Variants in PEMT observed in about 807,000 individuals in gnomAD.
PEMT encodes phosphatidylethanolamine N-methyltransferase.
PEMT carries 23 observed loss-of-function variants against 27.4 expected under a neutral mutation model. The observed-to-expected ratio is 0.84, with a 90% confidence interval of 0.60 to 1.19. The LOEUF (loss-of-function observed/expected upper bound fraction) is 1.19, where lower values mean the gene tolerates loss of function less well. PEMT is among the 50% of genes most tolerant of loss of function. The pLI, the probability that PEMT is intolerant of heterozygous loss-of-function variation, is 0.00. For synonymous variants in PEMT, 137 were observed against 139.1 expected (o/e 0.98, Z 0.11); for missense variants, 307 against 310.1 (o/e 0.99, Z 0.07).
intron 2 of PEMT, among the ~76,000 whole-genome samples, chr17:17,560,976 T>A (rs1425606718): frequency 1.3e-5 from 2 of 151,476 alleles, no homozygotes; most frequent in Non-Finnish European, 2.9e-5. Context: ...CGTCTAGGAG[T>A]CAGCAATGTG....
At chr17:17,518,920 G>T (rs774406320) in intron 3 of PEMT, 6 of 152,266 alleles carry the variant, frequency 3.9e-5, no homozygotes, top group Non-Finnish European at 7.3e-5. Context: ...AGGAGGAAGG[G>T]CTGCACAACA....
At position 17,561,299 on chromosome 17, in the gene PEMT, A is replaced by G. The variant is rs1910455819; in HGVS notation, c.204+15621T>C. Among the ~76,000 whole-genome samples, 1 of 152,162 alleles carries G rather than the reference A, an allele frequency of 6.6e-6. No individual in the cohort carries two copies. Among genetic ancestry groups the G allele is most frequent in the Non-Finnish European group, 1.5e-5 (1 of 68,016 alleles). The stretch of plus-strand genomic sequence containing the variant: ...GAACCTACAGGTAACCCTCTTTCAC[A>G]GTTAAGAACGCCAAGGCACGAAGCT... On this transcript the variant is annotated intron_variant, in intron 2 of 6. Transcript: ENST00000255389. This position sits in a 1 kb window ranked among gnomAD's most constrained non-coding sequence, Gnocchi z 4.5.
At chr17:17,583,911 G>A (rs1161077638) in intron 1 of PEMT, among the ~76,000 whole-genome samples, 5 of 152,146 alleles carry the variant, frequency 3.3e-5, no homozygotes, top group African/African-American at 7.2e-5. Flanking sequence ...ACAGTAAAAC[G>A]AAATGGCAGG....
intron 2 of PEMT, among the ~76,000 whole-genome samples, chr17:17,574,764 A>G (rs1911466946): frequency 6.6e-6 from 1 of 152,188 alleles, no homozygotes; most frequent in Non-Finnish European, 1.5e-5. Context: ...CGTCCTCAGG[A>G]CCTGCTATGC....
chr17:17,572,507 A>C (rs1911277448), intron 2 of PEMT, among the ~76,000 whole-genome samples: 1 of 152,210 alleles, frequency 6.6e-6, no homozygotes, highest in Non-Finnish European at 1.5e-5. Context: ...TTTTCCTGAC[A>C]GAATGCTCTT....
intron 2 of PEMT, among the ~76,000 whole-genome samples, chr17:17,552,455 G>A (rs542787185): frequency 3.9e-5 from 6 of 152,336 alleles, no homozygotes; most frequent in South Asian, 2.1e-4. Flanking sequence ...GGCCACCACC[G>A]TCCCTCCCAT....
At position 17,576,959 on chromosome 17, in the gene PEMT, G is replaced by A. The variant is rs11554365; in HGVS notation, c.165C>T (p.Ala55=). ...GCGGATTGAAGGTGATGGTGATGAC[G>A]GCAGCCACAAAGCTGGGATCCAGGG... The part of the protein sequence containing the change: ...VDPLDPSFVA[A]VITITFNPLY... Residue 55 remains alanine, a synonymous_variant, in exon 2 of 7, where the codon GCC becomes GCT. Coordinates refer to ENST00000255389, the MANE Select transcript of PEMT (RefSeq NM_148172.3). 2.1e-4 allele frequency: 347 copies of A among 1,614,038 alleles called. 2 individuals are homozygous for A. Among genetic ancestry groups the A allele is most frequent in the South Asian group, 8.1e-4 (74 of 91,078 alleles).
chr17:17,577,636 CAACTT>C (rs1235542302), intron 1 of PEMT, among the ~76,000 whole-genome samples: 1 of 149,284 alleles, frequency 6.7e-6, no homozygotes, highest in Non-Finnish European at 1.5e-5. Context: ...CAATGACAAA[CAACTT>C]AGGTGTCCAG....
intron 2 of PEMT, among the ~76,000 whole-genome samples, chr17:17,546,521 T>G (rs905885703): frequency 1.3e-5 from 2 of 152,200 alleles, no homozygotes; most frequent in African/African-American, 2.4e-5. Flanking sequence ...TTTCTGACAT[T>G]TGCTAATAAG....
intron 2 of PEMT, among the ~76,000 whole-genome samples, chr17:17,571,196 C>T (rs1462367640): frequency 6.6e-6 from 1 of 152,016 alleles, no homozygotes; most frequent in African/African-American, 2.4e-5. Context: ...AGGACACACA[C>T]AGTGCCTGGT....
At position 17,566,916 on chromosome 17, in the gene PEMT, C is replaced by A. The variant is rs577754652; in HGVS notation, c.204+10004G>T. On this transcript the variant is annotated intron_variant, in intron 2 of 6. Transcript: ENST00000255389. ...GGAAAGTAACTAAGGCAGCCTGGGT[C>A]CCCTGCCTCCTCTCCTCAGTGTGGG... Among the ~76,000 whole-genome samples the A allele has an allele frequency of 5.4e-3, 827 of 152,330 alleles. 5 individuals are homozygous for A. The highest frequency in any genetic ancestry group is 9.4e-3 in the Non-Finnish European group (641 of 68,024).
chr17:17,587,884 AAAAT>A (rs566141506), intron 1 of PEMT, among the ~76,000 whole-genome samples: 42 of 152,312 alleles, frequency 2.8e-4, no homozygotes, highest in Non-Finnish European at 4.6e-4. Flanking sequence ...ACTCTGTCTT[AAAAT>A]AAATAAATTA....
chr17:17,585,262 TGGGAG>T (rs1912186685), intron 1 of PEMT, among the ~76,000 whole-genome samples: 1 of 152,120 alleles, frequency 6.6e-6, no homozygotes. Flanking sequence ...CGCATGAACC[TGGGAG>T]GCGGAGGTTG....
At chr17:17,585,750 T>C (rs1240570274) in intron 1 of PEMT, among the ~76,000 whole-genome samples, 1 of 152,034 alleles carries the variant, frequency 6.6e-6, no homozygotes, top group Non-Finnish European at 1.5e-5. Context: ...AAGTTATTAG[T>C]TTTTAAAATC....
chr17:17,553,675 G>A (rs902820671), intron 2 of PEMT, among the ~76,000 whole-genome samples: 12 of 152,192 alleles, frequency 7.9e-5, no homozygotes, highest in Non-Finnish European at 5.9e-5. Flanking sequence ...TGGCCTTCTC[G>A]CAGGACAGCC....
intron 1 of PEMT, among the ~76,000 whole-genome samples, chr17:17,588,751 T>C (rs898296355): frequency 6.6e-6 from 1 of 152,216 alleles, no homozygotes; most frequent in East Asian, 1.9e-4. Flanking sequence ...TTCTGAATCC[T>C]GGAGGTGCCC....
intron 2 of PEMT, among the ~76,000 whole-genome samples, chr17:17,575,572 A>G (rs1409666890): frequency 1.3e-5 from 2 of 152,228 alleles, no homozygotes; most frequent in African/African-American, 4.8e-5. Context: ...CTTCGGCTGC[A>G]GCCCTGGCTC....
At chr17:17,579,504 C>T (rs1026005056) in intron 1 of PEMT, among the ~76,000 whole-genome samples, 2 of 152,028 alleles carry the variant, frequency 1.3e-5, no homozygotes, top group African/African-American at 4.8e-5. Context: ...ATAGTGAAAC[C>T]CCGTCTCTAC....
chr17:17,582,007 A>C lies in PEMT; in HGVS notation c.97-4980T>G, dbSNP rs904397550. Among the ~76,000 whole-genome samples, 1 of 152,058 alleles carries C rather than the reference A, an allele frequency of 6.6e-6. No homozygotes were observed. The highest frequency in any genetic ancestry group is 1.5e-5 in the Non-Finnish European group (1 of 67,996). On this transcript the variant is annotated intron_variant, in intron 1 of 6. Coordinates refer to ENST00000255389, the MANE Select transcript of PEMT (RefSeq NM_148172.3). The surrounding 1 kb of genome is among the most constrained non-coding windows in gnomAD (Gnocchi z 4.9). ...CTGGATTGGCAAAAAAGAACCAAAA[A>C]TCCAGGTCAGACGTGAGCAGAGTAG... is the stretch of plus-strand genomic sequence containing the variant.
Sources: gnomAD v4.1 joint callset for allele counts (sites outside exome capture counted in the v4.1 genomes callset) on GRCh38, gnomAD v4.1.1 for gene constraint, Gnocchi (gnomAD v3.1) non-coding constraint, MANE v1.5 for transcripts, NCBI Gene and HGNC (gene_info 2026-07-23, HGNC 2026-07-21) for gene names.